Variants in ARMH3 observed in about 807,000 individuals in gnomAD.
ARMH3 encodes armadillo-like helical domain-containing protein 3.
ARMH3 carries 60 observed loss-of-function variants against 99.1 expected under a neutral mutation model. The ratio of observed to expected loss-of-function variants is 0.61; its 90% CI spans 0.49 to 0.75. The LOEUF (loss-of-function observed/expected upper bound fraction) is 0.75. Ranked by LOEUF, ARMH3 falls within the 30% of genes least tolerant of loss-of-function variation. The pLI, the probability that ARMH3 is intolerant of heterozygous loss-of-function variation, is 0.00. For synonymous variants in ARMH3, 285 were observed against 292.8 expected, an observed-to-expected ratio of 0.97 and a Z score of 0.27; for missense variants, 679 against 843.1, an observed-to-expected ratio of 0.81 and a Z score of 2.41.
At chr10:101,985,177 TATG>T (rs1273831970) in intron 19 of ARMH3, among the ~76,000 whole-genome samples, 1 of 148,844 alleles carries the variant, frequency 6.7e-6, no homozygotes, top group Non-Finnish European at 1.5e-5. Context: ...TGTACACATA[TATG>T]AATATATATG....
At chr10:101,898,234 T>C (rs1035541069) in intron 23 of ARMH3, among the ~76,000 whole-genome samples, 1 of 151,732 alleles carries the variant, frequency 6.6e-6, no homozygotes, top group Admixed American at 6.6e-5. Flanking sequence ...GTGCCTGTTG[T>C]AGTCCCAGCT....
chr10:102,032,838 C>A (rs1331858564), intron 4 of ARMH3, 188 bp downstream of exon 4: 3 of 584,908 alleles, frequency 5.1e-6, no homozygotes, highest in African/African-American at 3.8e-5. Context: ...GATACGATTA[C>A]TCCTAAGTGT....
chr10:101,847,396 G>A lies in ARMH3; in HGVS notation c.*132C>T. 1.1e-6 allele frequency: 1 copy of A among 873,326 alleles called. No homozygotes were observed. Among genetic ancestry groups the A allele is most frequent in the South Asian group, 1.5e-5 (1 of 66,454 alleles). 54.1% of individuals were successfully genotyped at this position (873,326 alleles called of 1,614,324 possible). ...GCTGCCCAAGCTCCATTGAAGTGCGGTCTTCACCAAGAGAACTTGGTATCT... is the reference window on the plus strand; with the variant it reads ...GCTGCCCAAGCTCCATTGAAGTGCGATCTTCACCAAGAGAACTTGGTATCT... On this transcript the variant is annotated 3_prime_UTR_variant, in exon 26 of 26. Coordinates refer to ENST00000370033, the MANE Select transcript of ARMH3 (RefSeq NM_024541.3).
intron 15 of ARMH3, among the ~76,000 whole-genome samples, chr10:101,997,364 C>T (rs1057277951): frequency 1.3e-5 from 2 of 151,658 alleles, no homozygotes; most frequent in Non-Finnish European, 2.9e-5. Context: ...GAGGCCGAGG[C>T]GGGTGGATCA....
At chr10:101,921,568 A>G (rs940476453) in intron 23 of ARMH3, among the ~76,000 whole-genome samples, 18 of 152,226 alleles carry the variant, frequency 1.2e-4, no homozygotes, top group Non-Finnish European at 2.6e-4. Context: ...TAGCAAAGAT[A>G]TGGAATCAAC....
intron 19 of ARMH3, among the ~76,000 whole-genome samples, chr10:101,978,217 T>A (rs1039836606): frequency 6.6e-6 from 1 of 151,262 alleles, no homozygotes; most frequent in Non-Finnish European, 1.5e-5. Flanking sequence ...AAAGAACATT[T>A]GATGCCAGGA....
intron 23 of ARMH3, among the ~76,000 whole-genome samples, chr10:101,906,878 G>A (rs1297069697): frequency 6.6e-6 from 1 of 152,112 alleles, no homozygotes; most frequent in Admixed American, 6.5e-5. Context: ...AACAGTTAAG[G>A]GCAAAATAAA....
chr10:101,857,191 C>T (rs185212093), intron 24 of ARMH3, among the ~76,000 whole-genome samples: 83 of 152,274 alleles, frequency 5.5e-4, no homozygotes, highest in Non-Finnish European at 9.3e-4. Context: ...GGTGCAGTGG[C>T]TCATATCTGT....
Position 101,982,347 on chromosome 10 carries a change from T to C in ARMH3, c.1407-7047A>G, listed in dbSNP as rs534642056. Among the ~76,000 whole-genome samples the C allele has an allele frequency of 2.5e-4, 38 of 151,788 alleles. No individual in the cohort carries two copies. In the South Asian group the frequency reaches 5.6e-3, roughly 23 times the overall value. On this transcript the variant is annotated intron_variant, in intron 19 of 25. Transcript: ENST00000370033. The stretch of plus-strand genomic sequence containing the variant: ...GTTACAGTGAGCTGAGATTGCGCCA[T>C]TGCACTCCAGCCTAGATGCCAGAGT...
chr10:101,968,471 T>C (rs1158741561), intron 20 of ARMH3, among the ~76,000 whole-genome samples: 2 of 152,180 alleles, frequency 1.3e-5, no homozygotes, highest in African/African-American at 2.4e-5. Flanking sequence ...TGAAACCACA[T>C]GACATGTCCC....
intron 20 of ARMH3, among the ~76,000 whole-genome samples, chr10:101,959,318 G>A (rs914147971): frequency 3.3e-5 from 5 of 152,058 alleles, no homozygotes; most frequent in African/African-American, 1.2e-4. Context: ...GCTACGTGGG[G>A]GCTGCCCACC....
At chr10:101,850,166 C>G (rs2066561203) in intron 24 of ARMH3, among the ~76,000 whole-genome samples, 1 of 138,248 alleles carries the variant, frequency 7.2e-6, no homozygotes, top group Non-Finnish European at 1.5e-5. Flanking sequence ...GACGTGATCT[C>G]AGTTCACTGC....
intron 23 of ARMH3, among the ~76,000 whole-genome samples, chr10:101,920,261 G>A (rs1843253669): frequency 6.6e-6 from 1 of 152,182 alleles, no homozygotes; most frequent in East Asian, 1.9e-4. Context: ...TTCAGGAGGT[G>A]AGTTGACAAG....
chr10:102,016,130 G>A (rs2066745774), intron 8 of ARMH3, among the ~76,000 whole-genome samples: 1 of 152,192 alleles, frequency 6.6e-6, no homozygotes, highest in Non-Finnish European at 1.5e-5. Flanking sequence ...GTGAGACCCT[G>A]TCTCGATCAA....
At chr10:102,003,478 T>C (rs550936937) in intron 14 of ARMH3, among the ~76,000 whole-genome samples, 127 of 152,298 alleles carry the variant, frequency 8.3e-4, no homozygotes, top group African/African-American at 2.7e-3. Flanking sequence ...AAAGTCTTAA[T>C]GTAGGCTTCC....
At chr10:101,936,646 C>T (rs1843991410) in intron 23 of ARMH3, among the ~76,000 whole-genome samples, 2 of 151,554 alleles carry the variant, frequency 1.3e-5, no homozygotes, top group African/African-American at 2.4e-5. Flanking sequence ...ACAGCAATTC[C>T]TCCTCTGGGG....
chr10:101,951,456 C>A (rs1452246491), intron 22 of ARMH3, among the ~76,000 whole-genome samples: 1 of 152,094 alleles, frequency 6.6e-6, no homozygotes, highest in African/African-American at 2.4e-5. Context: ...ACCTGTAACC[C>A]CAGCTACTCA....
chr10:101,853,341 G>A (rs79550344), intron 24 of ARMH3, among the ~76,000 whole-genome samples: 6,863 of 152,154 alleles, frequency 0.045, 193 homozygotes, highest in Non-Finnish European at 0.058. Flanking sequence ...TCAGGCCTGG[G>A]CCCCAACCCA....
chr10:101,863,586 T>G (rs952501038), intron 24 of ARMH3, among the ~76,000 whole-genome samples: 5 of 152,112 alleles, frequency 3.3e-5, no homozygotes, highest in African/African-American at 7.2e-5. Flanking sequence ...TTTTGAAGAT[T>G]TGGAACAATT....
Sources: allele counts gnomAD v4.1 joint callset (sites outside exome capture counted in the v4.1 genomes callset), GRCh38; gene constraint gnomAD v4.1.1; transcripts MANE v1.5; gene names NCBI Gene and HGNC (gene_info 2026-07-23, HGNC 2026-07-21).